ARID1B: variants seen among roughly 807,000 people sequenced by gnomAD.
ARID1B encodes the protein AT-rich interactive domain-containing protein 1B.
A neutral mutation model predicts 212.3 loss-of-function variants in ARID1B; 30 were observed. That is an observed-to-expected ratio of 0.14 (90% CI 0.11 to 0.19). The LOEUF (loss-of-function observed/expected upper bound fraction) is 0.19. Ranked by LOEUF, ARID1B falls within the 10% of genes least tolerant of loss-of-function variation. The pLI is 1.00. For missense variants in ARID1B, 2,891 were observed against 3,204.0 expected (o/e 0.90, Z 2.36); for synonymous variants, 1,402 against 1,301.7 (o/e 1.08, Z -1.66).
Position 156,887,811 on chromosome 6 carries a change from C to T in ARID1B, c.1987-13565C>T, listed in dbSNP as rs183779850. On this transcript the variant is annotated intron_variant, in intron 2 of 19. Transcript: ENST00000636930. ...AAAGGCTGTATTTAAAACCTACACA[C>T]GAATGAGTAATTTATATGCATTTAT... 3.8e-3 allele frequency among the ~76,000 whole-genome samples: 574 copies of T among 152,260 alleles called. 5 individuals carry two copies. The highest frequency in any genetic ancestry group is 0.013 in the African/African-American group (535 of 41,546).
At chr6:156,882,161 C>T (rs1477311576) in intron 2 of ARID1B, among the ~76,000 whole-genome samples, 3 of 152,116 alleles carry the variant, frequency 2.0e-5, no homozygotes, top group African/African-American at 4.8e-5. Flanking sequence ...ACAGATCTTA[C>T]TCTCGTTTCT....
intron 7 of ARID1B, chr6:157,140,591 T>A (rs1487193659): frequency 2.5e-6 from 1 of 398,528 alleles, no homozygotes; most frequent in East Asian, 3.6e-5. Flanking sequence ...ACAGAGAATC[T>A]TTTATTGTAC....
rs1256347904 is a variant in ARID1B, at chr6:156,778,368, G to A, written c.688G>A (p.Ala230Thr). The A allele has an allele frequency of 6.5e-7, 1 of 1,539,002 alleles. No individual in the cohort carries two copies. Among genetic ancestry groups the A allele is most frequent in the Non-Finnish European group, 8.7e-7 (1 of 1,146,118 alleles). Residue 230 changes from alanine to threonine, a missense_variant, in exon 1 of 20, where the codon GCG becomes ACG. Physicochemically the swap from Ala to Thr is moderately conservative, Grantham distance 58. Transcript: ENST00000636930. ...CAGCTTGGGCGGCGCGGGCGGCGGC[G>A]CGCCTCAGCCCGGCCCCGACATGGA... is the stretch of plus-strand genomic sequence containing the variant. ...NNSLGGAGGG[A>T]PQPGPDMEQP...
chr6:156,897,810 G>A (rs778252895), intron 2 of ARID1B, among the ~76,000 whole-genome samples: 2 of 152,108 alleles, frequency 1.3e-5, no homozygotes, highest in Non-Finnish European at 2.9e-5. Flanking sequence ...AGCTGAACAC[G>A]TGTGTCAGAT....
At chr6:156,826,839 C>T (rs1188273568) in intron 1 of ARID1B, among the ~76,000 whole-genome samples, 1 of 152,172 alleles carries the variant, frequency 6.6e-6, no homozygotes, top group African/African-American at 2.4e-5. Context: ...CCCTTCCCTC[C>T]TGTAAGAGCA....
At chr6:157,026,633 G>A (rs938397422) in intron 4 of ARID1B, among the ~76,000 whole-genome samples, 1 of 152,182 alleles carries the variant, frequency 6.6e-6, no homozygotes, top group East Asian at 1.9e-4. Flanking sequence ...TCTTAGGTGA[G>A]TAGAGGAGTG....
intron 2 of ARID1B, among the ~76,000 whole-genome samples, chr6:156,835,904 G>A (rs1179668770): frequency 7.5e-6 from 1 of 133,254 alleles, no homozygotes; most frequent in African/African-American, 3.0e-5. Flanking sequence ...ACCATGCCCA[G>A]CTAATTTTTA....
rs550020694 is a variant in ARID1B at position 157,066,907 on chromosome 6, AG to A, written c.2248-17754del. Among the ~76,000 whole-genome samples the A allele has an allele frequency of 1.8e-3, 281 of 152,006 alleles. 2 individuals are homozygous for A. Among genetic ancestry groups the A allele is most frequent in the African/African-American group, 6.6e-3 (274 of 41,462 alleles). ...TTCCTTTGGTGTGGGAGTAGAAAGG[AG>A]AAAAACATGTATTAGAGGAGTGGAC... On this transcript the variant is annotated intron_variant, in intron 4 of 19. Transcript: ENST00000636930.
At position 157,200,429 on chromosome 6, in the gene ARID1B, C is replaced by T. The variant is rs1018576813; in HGVS notation, c.4480-276C>T. ...TGTGGGAGTTGAACGCTGGCTGTCC[C>T]GGTGGCACAGCCTAAGGAGAGGAGG... On this transcript the variant is annotated intron_variant, in intron 17 of 19. Coordinates refer to ENST00000636930, the MANE Select transcript of ARID1B (RefSeq NM_001374828.1). This position sits in a 1 kb window ranked among gnomAD's most constrained non-coding sequence, Gnocchi z 4.3. Among the ~76,000 whole-genome samples the T allele has an allele frequency of 5.3e-5, 8 of 151,810 alleles. No individual in the cohort carries two copies. The highest frequency in any genetic ancestry group is 9.7e-5 in the African/African-American group (4 of 41,324).
intron 4 of ARID1B, among the ~76,000 whole-genome samples, chr6:157,026,582 T>G (rs1562560027): frequency 6.6e-6 from 1 of 152,186 alleles, no homozygotes; most frequent in African/African-American, 2.4e-5. Flanking sequence ...CTTCATTGCT[T>G]CCAGTCTCAC....
intron 7 of ARID1B, among the ~76,000 whole-genome samples, chr6:157,138,602 C>A (rs1453655529): frequency 6.6e-6 from 1 of 152,160 alleles, no homozygotes; most frequent in East Asian, 1.9e-4. Flanking sequence ...CACATAGATT[C>A]ATTCTGTGCA....
At chr6:157,063,509 G>A (rs903474389) in intron 4 of ARID1B, among the ~76,000 whole-genome samples, 1 of 151,970 alleles carries the variant, frequency 6.6e-6, no homozygotes, top group Admixed American at 6.6e-5. Flanking sequence ...TTAGATAGTT[G>A]TGCTATTACT....
intron 3 of ARID1B, among the ~76,000 whole-genome samples, chr6:156,913,162 TA>T (rs1759117767): frequency 2.0e-5 from 3 of 151,892 alleles, no homozygotes; most frequent in African/African-American, 7.2e-5. Flanking sequence ...TTACCTCACA[TA>T]GTTACCATTT....
At chr6:157,103,284 T>C (rs979686881) in intron 5 of ARID1B, among the ~76,000 whole-genome samples, 8 of 152,220 alleles carry the variant, frequency 5.3e-5, no homozygotes, top group South Asian at 2.1e-4. Context: ...GAATGGTTAC[T>C]ATATGCCTGG....
intron 2 of ARID1B, among the ~76,000 whole-genome samples, chr6:156,864,072 A>G (rs759601283): frequency 6.6e-6 from 1 of 152,222 alleles, no homozygotes; most frequent in Non-Finnish European, 1.5e-5. Flanking sequence ...CTTCAAGTAG[A>G]AAATGGAAAA....
intron 4 of ARID1B, among the ~76,000 whole-genome samples, chr6:157,015,504 C>G (rs779551616): frequency 6.6e-6 from 1 of 151,636 alleles, no homozygotes; most frequent in Non-Finnish European, 1.5e-5. Context: ...GAAGCCATAT[C>G]TGATATTCTC....
intron 4 of ARID1B, chr6:157,036,635 C>T (rs760784432): frequency 2.9e-6 from 1 of 343,340 alleles, no homozygotes; most frequent in Non-Finnish European, 5.8e-6. Flanking sequence ...TCTTATAGAA[C>T]TGAAACCCAG....
chr6:156,804,951 A>G (rs943489907), intron 1 of ARID1B, among the ~76,000 whole-genome samples: 3 of 151,766 alleles, frequency 2.0e-5, no homozygotes, highest in Non-Finnish European at 4.4e-5. Context: ...TATAAAATTT[A>G]AAGATTAGGC....
At chr6:156,873,488 A>G (rs143883902) in intron 2 of ARID1B, among the ~76,000 whole-genome samples, 10 of 152,378 alleles carry the variant, frequency 6.6e-5, no homozygotes, top group Admixed American at 1.3e-4. Context: ...TTAGTGGTCA[A>G]TTTTTGAAGG....
Sources: gnomAD v4.1 joint callset for allele counts (sites outside exome capture counted in the v4.1 genomes callset) on GRCh38, gnomAD v4.1.1 for gene constraint, Gnocchi (gnomAD v3.1) non-coding constraint, MANE v1.5 for transcripts, NCBI Gene and HGNC (gene_info 2026-07-23, HGNC 2026-07-21) for gene names.